Variants in ABTB3 observed in about 807,000 individuals in gnomAD.
ABTB3 encodes ankyrin repeat and BTB domain containing 3.
At chr12:107,363,227 T>C in the ABTB3 span, among the ~76,000 whole-genome samples, 6 of 152,348 alleles carry the variant, frequency 3.9e-5, no homozygotes, top group South Asian at 1.2e-3. Context: ...AAAGAACCAC[T>C]TCACCATGTG....
the ABTB3 span, among the ~76,000 whole-genome samples, chr12:107,483,334 G>T: frequency 6.6e-6 from 1 of 152,102 alleles, no homozygotes; most frequent in Admixed American, 6.6e-5. Context: ...ATGAGCCACC[G>T]TGCCCAGCCC....
chr12:107,321,081 A>G, the ABTB3 span, among the ~76,000 whole-genome samples: 2 of 152,212 alleles, frequency 1.3e-5, no homozygotes, highest in Admixed American at 6.5e-5. Flanking sequence ...CAAAGCTTCA[A>G]TTTTCCACAG....
the ABTB3 span, among the ~76,000 whole-genome samples, chr12:107,561,639 C>T: frequency 0.043 from 6,605 of 152,186 alleles, 463 homozygotes; most frequent in African/African-American, 0.15. Context: ...ATCCTTGTGT[C>T]CTCCATAAAA....
chr12:107,521,309 G>C, the ABTB3 span, among the ~76,000 whole-genome samples: 2 of 145,500 alleles, frequency 1.4e-5, no homozygotes, highest in African/African-American at 5.1e-5. Flanking sequence ...GTGTGTATAA[G>C]GTTACCATGG....
chr12:107,333,711 T>C, the ABTB3 span, among the ~76,000 whole-genome samples: 1 of 152,230 alleles, frequency 6.6e-6, no homozygotes, highest in African/African-American at 2.4e-5. Flanking sequence ...TGGTTCTAGA[T>C]ACTTAGCATC....
At chr12:107,320,377 G>A in the ABTB3 span, among the ~76,000 whole-genome samples, 1 of 152,228 alleles carries the variant, frequency 6.6e-6, no homozygotes, top group Non-Finnish European at 1.5e-5. Context: ...ACCATTTTTT[G>A]GAGCAGGGTT....
At chr12:107,467,606 G>A in the ABTB3 span, among the ~76,000 whole-genome samples, 1 of 151,524 alleles carries the variant, frequency 6.6e-6, no homozygotes, top group Non-Finnish European at 1.5e-5. Flanking sequence ...GTATGTGCAT[G>A]CACTCATACA....
At chr12:107,566,369 ACCTGAG>A in the ABTB3 span, among the ~76,000 whole-genome samples, 1 of 152,114 alleles carries the variant, frequency 6.6e-6, no homozygotes, top group Admixed American at 6.5e-5. Context: ...CTTTGGTGCA[ACCTGAG>A]ACAAATGATG....
chr12:107,409,399 C>T, the ABTB3 span, among the ~76,000 whole-genome samples: 117 of 152,294 alleles, frequency 7.7e-4, no homozygotes, highest in African/African-American at 2.6e-3. Flanking sequence ...AGATCTAGAA[C>T]GAGAAATACC....
chr12:107,459,168 T>C, the ABTB3 span, among the ~76,000 whole-genome samples: 1 of 152,258 alleles, frequency 6.6e-6, no homozygotes, highest in African/African-American at 2.4e-5. Flanking sequence ...ACTGTTATTA[T>C]GCCCATTTTA....
At chr12:107,479,556 GTTA>G in the ABTB3 span, among the ~76,000 whole-genome samples, 74 of 152,076 alleles carry the variant, frequency 4.9e-4, 3 homozygotes, top group Non-Finnish European at 3.5e-4. Context: ...GGTGTTTGCC[GTTA>G]TTATTCCTAG....
At chr12:107,582,154 C>A in the ABTB3 span, among the ~76,000 whole-genome samples, 1 of 152,134 alleles carries the variant, frequency 6.6e-6, no homozygotes, top group Non-Finnish European at 1.5e-5. Flanking sequence ...TATGCAGCAG[C>A]CCCCCGAAGG....
chr12:107,548,827 G>A, the ABTB3 span, among the ~76,000 whole-genome samples: 16,648 of 152,042 alleles, frequency 0.11, 981 homozygotes, highest in African/African-American at 0.13. Flanking sequence ...TATCATTACC[G>A]GAAATATCCG....
the ABTB3 span, among the ~76,000 whole-genome samples, chr12:107,595,724 C>A: frequency 2.0e-5 from 3 of 152,062 alleles, no homozygotes; most frequent in Non-Finnish European, 2.9e-5. Context: ...AGCTGTGTGA[C>A]CTTGGGCAAG....
chr12:107,557,683 C>A, the ABTB3 span, among the ~76,000 whole-genome samples: 1 of 152,210 alleles, frequency 6.6e-6, no homozygotes, highest in Non-Finnish European at 1.5e-5. Context: ...AGGCACCATT[C>A]TAAGTACTTT....
the ABTB3 span, among the ~76,000 whole-genome samples, chr12:107,629,685 G>C: frequency 3.7e-5 from 5 of 136,512 alleles, no homozygotes; most frequent in East Asian, 4.9e-4. Flanking sequence ...CAAATGGCCT[G>C]CTGCCCTGAG....
At chr12:107,532,760 A>T in the ABTB3 span, among the ~76,000 whole-genome samples, 17 of 152,176 alleles carry the variant, frequency 1.1e-4, no homozygotes, top group Admixed American at 1.0e-3. Context: ...GAAAAAATTT[A>T]AAACAGCAAG....
chr12:107,407,093 C>T, the ABTB3 span, among the ~76,000 whole-genome samples: 1 of 152,182 alleles, frequency 6.6e-6, no homozygotes, highest in African/African-American at 2.4e-5. Context: ...TGAGTTAATA[C>T]ACATAAAGCA....
At chr12:107,381,092 C>CG in the ABTB3 span, among the ~76,000 whole-genome samples, 2 of 151,856 alleles carry the variant, frequency 1.3e-5, no homozygotes, top group Admixed American at 1.3e-4. Flanking sequence ...ACTACCCACC[C>CG]CCCATCATTA....
Sources: gnomAD v4.1 joint callset for allele counts (sites outside exome capture counted in the v4.1 genomes callset) on GRCh38, gnomAD v4.1.1 for gene constraint, MANE v1.5 for transcripts, NCBI Gene and HGNC (gene_info 2026-07-23, HGNC 2026-07-21) for gene names.